The following OPTC variants were observed in gnomAD, a reference collection of about 807,000 sequenced individuals.
The protein encoded by OPTC is oculoglycan.
In OPTC, 22 loss-of-function variants were observed where a neutral mutation model predicts 25.4. That is an observed-to-expected ratio of 0.87 (90% CI 0.62 to 1.24). The LOEUF (loss-of-function observed/expected upper bound fraction) is 1.24, where lower values mean the gene tolerates loss of function less well. Ranked by LOEUF, OPTC falls within the 50% of genes most tolerant of loss-of-function variation. OPTC has a pLI of 0.00. For missense variants in OPTC, 417 were observed against 425.2 expected (o/e 0.98, Z 0.17); for synonymous variants, 169 against 179.3 (o/e 0.94, Z 0.46).
chr1:203,496,910 A>G (rs1661289803), intron 2 of OPTC, 67 bp from the exon 3 acceptor site: 3 of 1,559,260 alleles, frequency 1.9e-6, no homozygotes. Flanking sequence ...TGAGGTTCCC[A>G]GAGTCCAAAG....
intron 4 of OPTC, 62 bp downstream of exon 4, chr1:203,498,901 G>A: frequency 1.3e-6 from 2 of 1,574,644 alleles, no homozygotes; most frequent in South Asian, 2.2e-5. Flanking sequence ...CTGCCACTAG[G>A]ACAGTCACCA....
chr1:203,496,928 C>T (rs1264765511), intron 2 of OPTC, 49 bp from the exon 3 acceptor site: 5 of 1,609,428 alleles, frequency 3.1e-6, no homozygotes, highest in African/African-American at 1.3e-5. Context: ...AAGTTAAGTC[C>T]CTTTTGTGCA....
At chr1:203,500,444 T>C (rs200750021) in intron 5 of OPTC, among the ~76,000 whole-genome samples, 2 of 121,834 alleles carry the variant, frequency 1.6e-5, no homozygotes, top group Admixed American at 7.9e-5. Flanking sequence ...CCACCTCCAC[T>C]CCTACCACCC....
intron 3 of OPTC, among the ~76,000 whole-genome samples, chr1:203,498,376 A>G (rs976487651): frequency 2.0e-5 from 3 of 152,170 alleles, no homozygotes; most frequent in African/African-American, 7.2e-5. Flanking sequence ...AAAGAGACCA[A>G]GGGATTTCCT....
chr1:203,494,691 AAAAG>A (rs796574329), intron 1 of OPTC, among the ~76,000 whole-genome samples: 1 of 152,198 alleles, frequency 6.6e-6, no homozygotes, highest in Non-Finnish European at 1.5e-5. Flanking sequence ...AAAAAATTTT[AAAAG>A]AAAGAAAGAG....
rs370126695 is a variant in OPTC at position 203,496,965 on chromosome 1, C to T, written c.232-12C>T. The T allele has an allele frequency of 6.2e-7, 1 of 1,614,048 alleles. No individual in the cohort carries two copies. Among genetic ancestry groups the T allele is most frequent in the Non-Finnish European group, 8.5e-7 (1 of 1,179,992 alleles). The stretch of plus-strand genomic sequence containing the variant: ...AAGCTGGGCTACTGTGTACTCTGTG[C>T]TACATCTCCAGGTTAAGGTGACTAG... On this transcript the variant is annotated splice_polypyrimidine_tract_variant and intron_variant, in intron 2 of 7. Coordinates refer to ENST00000367222, the MANE Select transcript of OPTC (RefSeq NM_014359.4).
rs1057184592 is a variant in OPTC at position 203,498,535 on chromosome 1, T to C, written c.371-146T>C. ...CAGGGGAGCAGACAACAGCACCGTGTACATGGTGCCCGTCAGTTCTGGGCA... is the reference window on the plus strand; with the variant it reads ...CAGGGGAGCAGACAACAGCACCGTGCACATGGTGCCCGTCAGTTCTGGGCA... On this transcript the variant is annotated intron_variant, in intron 3 of 7. Transcript: ENST00000367222. 4.5e-6 allele frequency: 4 copies of C among 897,460 alleles called. No homozygotes were observed. In the African/African-American group the frequency reaches 6.5e-5, roughly 15 times the overall value. 55.6% of individuals were successfully genotyped at this position (897,460 alleles called of 1,614,324 possible).
intron 7 of OPTC, among the ~76,000 whole-genome samples, chr1:203,505,156 G>T (rs538199675): frequency 6.6e-6 from 1 of 152,330 alleles, no homozygotes; most frequent in East Asian, 1.9e-4. Context: ...ATCTTATGGA[G>T]CACCCACTGC....
At chr1:203,503,263 G>C (rs1661421296) in intron 6 of OPTC, among the ~76,000 whole-genome samples, 1 of 152,038 alleles carries the variant, frequency 6.6e-6, no homozygotes, top group African/African-American at 2.4e-5. Context: ...TCACCCAACT[G>C]CTTTTCCTTC....
At chr1:203,505,354 G>A (rs1330254961) in intron 7 of OPTC, among the ~76,000 whole-genome samples, 1 of 152,162 alleles carries the variant, frequency 6.6e-6, no homozygotes, top group African/African-American at 2.4e-5. Flanking sequence ...CCAACTTAGG[G>A]GTCCAGAAGA....
At chr1:203,506,511 C>T (rs980332049) in intron 7 of OPTC, among the ~76,000 whole-genome samples, 38 of 151,802 alleles carry the variant, frequency 2.5e-4, no homozygotes, top group African/African-American at 8.0e-4. Flanking sequence ...AGAACTGGGG[C>T]TTTTGGGTAC....
At chr1:203,501,973 G>T (rs1254779859) in intron 5 of OPTC, among the ~76,000 whole-genome samples, 3 of 152,142 alleles carry the variant, frequency 2.0e-5, no homozygotes, top group Non-Finnish European at 4.4e-5. Flanking sequence ...TAAGGCCTGG[G>T]CTTTGGAGCC....
chr1:203,494,801 A>G, intron 1 of OPTC, among the ~76,000 whole-genome samples: 1 of 152,224 alleles, frequency 6.6e-6, no homozygotes, highest in African/African-American at 2.4e-5. Context: ...GCCTGGATAC[A>G]AAACCACACC....
At position 203,495,971 on chromosome 1, in the gene OPTC, C is replaced by A. The variant is rs1224555526; in HGVS notation, c.-35C>A. 2 of 1,488,026 alleles carry A rather than the reference C, an allele frequency of 1.3e-6. No homozygotes were observed. The highest frequency in any genetic ancestry group is 1.2e-5 in the South Asian group (1 of 84,598). 92.2% of individuals were successfully genotyped at this position (1,488,026 alleles called of 1,614,324 possible). A position where few individuals can be genotyped will look rare whatever the true frequency, so the allele number is the denominator to read the frequency against. ...CCTCGTGCCCACTTGCCAGGACCAG[C>A]CGCTGAAGGGATTCTCAGTCCCATC... is the stretch of plus-strand genomic sequence containing the variant. On this transcript the variant is annotated 5_prime_UTR_variant, in exon 2 of 8. Transcript: ENST00000367222.
At chr1:203,504,254 A>G (rs565975467) in intron 7 of OPTC, among the ~76,000 whole-genome samples, 1 of 152,262 alleles carries the variant, frequency 6.6e-6, no homozygotes, top group African/African-American at 2.4e-5. Flanking sequence ...TATTGAAAAC[A>G]AATGTAATAA....
intron 1 of OPTC, among the ~76,000 whole-genome samples, chr1:203,494,844 G>A (rs1252540273): frequency 6.6e-6 from 1 of 151,860 alleles, no homozygotes; most frequent in Non-Finnish European, 1.5e-5. Context: ...ATACATATAC[G>A]AACTACATGA....
At position 203,498,708 on chromosome 1, in the gene OPTC, G is replaced by T. The variant is rs544577306; in HGVS notation, c.398G>T (p.Cys133Phe). 1.9e-6 allele frequency: 3 copies of T among 1,614,212 alleles called. No homozygotes were observed. The highest frequency in any genetic ancestry group is 1.7e-5 in the Admixed American group (1 of 60,026). ...CTGCCCACCTGCCTGGTCTGCGTGT[G>T]CCTCGGTTCCTCTGTGTATTGCGAT... is the stretch of plus-strand genomic sequence containing the variant. ...HGLPTCLVCV[C>F]LGSSVYCDDI... is the part of the protein sequence containing the mutation. The change falls in exon 4 of 8, where the codon TGC (cysteine) becomes TTC (phenylalanine). Residue 133 changes from cysteine to phenylalanine, a missense_variant. Physicochemically the swap from Cys to Phe is radical, Grantham distance 205. Coordinates refer to ENST00000367222, the MANE Select transcript of OPTC (RefSeq NM_014359.4).
intron 7 of OPTC, among the ~76,000 whole-genome samples, chr1:203,508,384 A>C (rs1159779888): frequency 1.3e-5 from 2 of 152,190 alleles, no homozygotes; most frequent in Admixed American, 1.3e-4. Flanking sequence ...CACATGAGGT[A>C]ATGAAGGTCT....
chr1:203,496,667 A>G (rs1661286095), intron 2 of OPTC, among the ~76,000 whole-genome samples: 1 of 152,062 alleles, frequency 6.6e-6, no homozygotes, highest in Admixed American at 6.5e-5. Context: ...GTCGGTGTGG[A>G]GCAGGGGAAG....
Sources: allele counts gnomAD v4.1 joint callset (sites outside exome capture counted in the v4.1 genomes callset), GRCh38; gene constraint gnomAD v4.1.1; transcripts MANE v1.5; gene names NCBI Gene and HGNC (gene_info 2026-07-23, HGNC 2026-07-21).